The following NRXN3 variants were observed in gnomAD, a reference collection of about 807,000 sequenced individuals.
The protein encoded by NRXN3 is neurexin 3.
In NRXN3, 32 loss-of-function variants were observed where a neutral mutation model predicts 137.6. The ratio of observed to expected loss-of-function variants is 0.23; its 90% confidence interval spans 0.18 to 0.31. The LOEUF (loss-of-function observed/expected upper bound fraction) is 0.31. Ranked by LOEUF, NRXN3 falls within the 10% of genes least tolerant of loss-of-function variation. NRXN3 has a pLI of 1.00. For missense variants in NRXN3, 1,574 were observed against 2,062.5 expected, an observed-to-expected ratio of 0.76 and a Z score of 4.59; for synonymous variants, 798 against 784.5, an observed-to-expected ratio of 1.02 and a Z score of -0.29.
chr14:78,282,674 C>T (rs1218306908), intron 3 of NRXN3, among the ~76,000 whole-genome samples: 1 of 152,164 alleles, frequency 6.6e-6, no homozygotes, highest in Non-Finnish European at 1.5e-5. Context: ...CTGGAGCCTT[C>T]CCCTACCCGC....
chr14:78,794,453 G>A (rs2098815046), intron 8 of NRXN3, among the ~76,000 whole-genome samples: 1 of 152,130 alleles, frequency 6.6e-6, no homozygotes, highest in Non-Finnish European at 1.5e-5. Context: ...AATATCTTTT[G>A]TAAATTTTAG....
At chr14:79,270,939 G>T (rs1488895837) in intron 15 of NRXN3, among the ~76,000 whole-genome samples, 2 of 152,152 alleles carry the variant, frequency 1.3e-5, no homozygotes, top group Non-Finnish European at 2.9e-5. Flanking sequence ...GATTTCTGGG[G>T]CTGCTTAATA....
chr14:78,928,473 C>T (rs2099312336), intron 10 of NRXN3, among the ~76,000 whole-genome samples: 1 of 152,068 alleles, frequency 6.6e-6, no homozygotes, highest in South Asian at 2.1e-4. Flanking sequence ...ACAACAGGCC[C>T]TGGTGTGTGA....
At chr14:78,209,057 T>C (rs2062486958) in intron 1 of NRXN3, among the ~76,000 whole-genome samples, 1 of 152,148 alleles carries the variant, frequency 6.6e-6, no homozygotes, top group African/African-American at 2.4e-5. Flanking sequence ...CCAAGCCTTG[T>C]CCCCAGCAGG....
At position 79,861,224 on chromosome 14, in the gene NRXN3, G is replaced by T. The variant is rs1045977384; in HGVS notation, c.4094-118G>T. 2.0e-6 allele frequency: 3 copies of T among 1,534,996 alleles called. No homozygotes were observed. Among genetic ancestry groups the T allele is most frequent in the Non-Finnish European group, 2.6e-6 (3 of 1,146,312 alleles). On this transcript the variant is annotated intron_variant, in intron 20 of 20. Coordinates refer to ENST00000335750, the MANE Select transcript of NRXN3 (RefSeq NM_001330195.2). This position sits in a 1 kb window ranked among gnomAD's most constrained non-coding sequence, Gnocchi z 5.4. The stretch of plus-strand genomic sequence containing the variant: ...ACCTTGCTTGTCGGACCAAGGCAGC[G>T]ATGGTTGTGATGATGATGGCTTGGT...
At chr14:79,178,040 A>G (rs2153115835) in intron 15 of NRXN3, among the ~76,000 whole-genome samples, 1 of 152,344 alleles carries the variant, frequency 6.6e-6, no homozygotes, top group African/African-American at 2.4e-5. Flanking sequence ...GAGAAGAGGG[A>G]CAAAGAGAGA....
chr14:79,478,813 T>C (rs1446417466), intron 16 of NRXN3, among the ~76,000 whole-genome samples: 1 of 152,076 alleles, frequency 6.6e-6, no homozygotes, highest in Admixed American at 6.6e-5. Context: ...ATGGTTGTAG[T>C]TTCCAATAGG....
intron 15 of NRXN3, among the ~76,000 whole-genome samples, chr14:79,455,280 G>A (rs1028468132): frequency 2.0e-5 from 3 of 152,038 alleles, no homozygotes; most frequent in Middle Eastern, 3.2e-3. Context: ...TTATAAGATC[G>A]TTTGTCCCCA....
At chr14:79,069,748 A>G (rs779206779) in intron 15 of NRXN3, among the ~76,000 whole-genome samples, 4 of 152,112 alleles carry the variant, frequency 2.6e-5, no homozygotes, top group Non-Finnish European at 5.9e-5. Context: ...CATTACAAAA[A>G]TTTTTATCAT....
intron 4 of NRXN3, among the ~76,000 whole-genome samples, chr14:78,583,782 C>T (rs904557619): frequency 2.0e-5 from 3 of 152,074 alleles, no homozygotes; most frequent in Non-Finnish European, 2.9e-5. Flanking sequence ...CCCAGCTTGC[C>T]CTGCTTGTTG....
chr14:78,887,430 C>CT lies in NRXN3; in HGVS notation c.2276-69811dup, dbSNP rs1262017398. ...ATCTTTTAGTAGTAAAATTTTGCCA[C>CT]TACATTCAGTGACAAAAACAGGAGT... On this transcript the variant is annotated intron_variant, in intron 10 of 20. Transcript: ENST00000335750. Among the ~76,000 whole-genome samples, 3 of 151,822 alleles carry CT rather than the reference C, an allele frequency of 2.0e-5. No homozygotes were observed. The East Asian group carries it at 5.8e-4, about 29-fold the overall frequency.
chr14:79,622,595 T>TTTTA (rs968537305), intron 16 of NRXN3, among the ~76,000 whole-genome samples: 5 of 152,010 alleles, frequency 3.3e-5, no homozygotes, highest in Non-Finnish European at 5.9e-5. Flanking sequence ...TTTAGTTTAT[T>TTTTA]TTTATTTATT....
intron 15 of NRXN3, among the ~76,000 whole-genome samples, chr14:79,111,815 TA>T (rs1184154765): frequency 2.0e-5 from 3 of 150,952 alleles, no homozygotes; most frequent in Non-Finnish European, 4.4e-5. Context: ...ATTGTGAGAC[TA>T]AAAAAAATTG....
intron 16 of NRXN3, among the ~76,000 whole-genome samples, chr14:79,504,135 A>G (rs1384951626): frequency 6.6e-6 from 1 of 152,116 alleles, no homozygotes; most frequent in East Asian, 1.9e-4. Context: ...CTACTAAATG[A>G]CCTCTCTGAA....
rs545976328 is a variant in NRXN3, at chr14:79,624,620, G to C, written c.3445-39158G>C. Among the ~76,000 whole-genome samples, 608 of 150,412 alleles carry C rather than the reference G, an allele frequency of 4.0e-3. 6 individuals are homozygous for C. Among genetic ancestry groups the C allele is most frequent in the Non-Finnish European group, 5.5e-3 (371 of 67,858 alleles). On this transcript the variant is annotated intron_variant, in intron 16 of 20. Transcript: ENST00000335750. ...TATCATGCTGTACCTTAAGTCTCTAGATATTCGTTCTACATAATTGTAACT... is the reference window on the plus strand; with the variant it reads ...TATCATGCTGTACCTTAAGTCTCTACATATTCGTTCTACATAATTGTAACT...
At chr14:79,279,714 G>T (rs1170995049) in intron 15 of NRXN3, 11 of 986,132 alleles carry the variant, frequency 1.1e-5, no homozygotes, top group Non-Finnish European at 1.3e-5. Flanking sequence ...GCGCCCTTCC[G>T]CGGAGACTCC....
chr14:78,291,376 A>G (rs181718695), intron 3 of NRXN3, among the ~76,000 whole-genome samples: 231 of 152,326 alleles, frequency 1.5e-3, no homozygotes, highest in Non-Finnish European at 1.7e-3. Flanking sequence ...AGCAGATATT[A>G]GCTGTTATTG....
At chr14:78,324,572 A>G (rs1412789375) in intron 4 of NRXN3, among the ~76,000 whole-genome samples, 1 of 152,166 alleles carries the variant, frequency 6.6e-6, no homozygotes, top group East Asian at 1.9e-4. Flanking sequence ...AATGTGGGAA[A>G]TTTACAGAGA....
chr14:78,719,900 G>A (rs1595138124), intron 8 of NRXN3, among the ~76,000 whole-genome samples: 1 of 152,028 alleles, frequency 6.6e-6, no homozygotes, highest in African/African-American at 2.4e-5. Flanking sequence ...AGTGTTACCT[G>A]CACCTCATTC....
Sources: allele counts gnomAD v4.1 joint callset (sites outside exome capture counted in the v4.1 genomes callset), GRCh38; gene constraint gnomAD v4.1.1; non-coding constraint Gnocchi (gnomAD v3.1); transcripts MANE v1.5; gene names NCBI Gene and HGNC (gene_info 2026-07-23, HGNC 2026-07-21).